The following LPCAT2 variants were observed in gnomAD, a reference collection of about 807,000 sequenced individuals.
The protein encoded by LPCAT2 is 1-AGP acyltransferase 11.
In LPCAT2, 58 loss-of-function variants were observed where a neutral mutation model predicts 64.7. The observed-to-expected ratio is 0.90, with a 90% confidence interval of 0.73 to 1.12. The LOEUF (loss-of-function observed/expected upper bound fraction) is 1.12, where lower values mean the gene tolerates loss of function less well. LPCAT2 is among the 50% of genes most tolerant of loss of function. The pLI is 0.00. For synonymous variants in LPCAT2, 252 were observed against 245.3 expected (o/e 1.03, Z -0.26); for missense variants, 579 against 669.8 (o/e 0.86, Z 1.50).
chr16:55,548,229 CT>C (rs5817017), intron 9 of LPCAT2, among the ~76,000 whole-genome samples: 23 of 150,902 alleles, frequency 1.5e-4, no homozygotes, highest in Non-Finnish European at 2.7e-4. Flanking sequence ...TGTACTGCAC[CT>C]TTTTTTTTGG....
chr16:55,528,762 A>C (rs192827828), intron 3 of LPCAT2, among the ~76,000 whole-genome samples, 168 bp downstream of exon 3: 38 of 152,336 alleles, frequency 2.5e-4, no homozygotes, highest in African/African-American at 8.9e-4. Flanking sequence ...ATATTTATGA[A>C]AAAAGATTAG....
intron 11 of LPCAT2, among the ~76,000 whole-genome samples, chr16:55,563,705 T>C (rs1279626193): frequency 1.3e-5 from 2 of 151,914 alleles, no homozygotes; most frequent in East Asian, 1.9e-4. Flanking sequence ...TGCCCCAACA[T>C]AATAAACACC....
In LPCAT2 at chr16:55,549,279, C is replaced by G. The variant is rs1214113192; in HGVS notation, c.938C>G (p.Ala313Gly). Residue 313 changes from alanine to glycine, a missense_variant and splice_region_variant, in exon 10 of 14, where the codon GCT becomes GGT. Ala to Gly is a moderately conservative substitution (Grantham distance 60). Coordinates refer to ENST00000262134, the MANE Select transcript of LPCAT2 (RefSeq NM_017839.5). Reference sequence around the variant, plus strand: ...AGTTTGCTTCTTAATACTTTTAGAGCTCTGGGAATACCAGTAACAGATCAT... The same window carrying G: ...AGTTTGCTTCTTAATACTTTTAGAGGTCTGGGAATACCAGTAACAGATCAT... ...ANKVRNLMAE[A>G]LGIPVTDHTY... 14 of 1,559,090 alleles carry G rather than the reference C, an allele frequency of 9.0e-6. No individual in the cohort carries two copies. The highest frequency in any genetic ancestry group is 1.2e-5 in the Non-Finnish European group (14 of 1,159,422).
rs769307690 is a variant in LPCAT2 at position 55,509,238 on chromosome 16, C to G, written c.57C>G (p.Val19=). Residue 19 remains valine (V), a synonymous_variant, in exon 1 of 14, where the codon GTC becomes GTG. Coordinates refer to ENST00000262134, the MANE Select transcript of LPCAT2 (RefSeq NM_017839.5). ...CGGCCACAGTGCCAGGTGCCGGCGT[C>G]GGGAACGTGGGGCTGCGGCCGCCCA... ...EVAATVPGAG[V]GNVGLRPPMV... The G allele has an allele frequency of 6.8e-7, 1 of 1,477,470 alleles. No homozygotes were observed. Among genetic ancestry groups the G allele is most frequent in the Non-Finnish European group, 9.0e-7 (1 of 1,107,556 alleles). 91.5% of individuals were successfully genotyped at this position (1,477,470 alleles called of 1,614,324 possible). A position where few individuals can be genotyped will look rare whatever the true frequency, so the allele number is the denominator to read the frequency against.
chr16:55,547,074 G>A (rs1963462030), intron 9 of LPCAT2, among the ~76,000 whole-genome samples: 1 of 152,014 alleles, frequency 6.6e-6, no homozygotes, highest in African/African-American at 2.4e-5. Flanking sequence ...TGGAACCTGG[G>A]AGGCAGAGGT....
chr16:55,578,151 C>A (rs1235088912), intron 12 of LPCAT2, among the ~76,000 whole-genome samples: 1 of 152,188 alleles, frequency 6.6e-6, no homozygotes, highest in African/African-American at 2.4e-5. Flanking sequence ...CTCTTCACTA[C>A]TCATACCTCA....
chr16:55,580,384 T>C (rs1963875445), intron 13 of LPCAT2, among the ~76,000 whole-genome samples: 1 of 152,162 alleles, frequency 6.6e-6, no homozygotes, highest in Non-Finnish European at 1.5e-5. Context: ...CTACTAAATT[T>C]TGAAAAACTA....
chr16:55,515,097 G>A (rs774032512), intron 1 of LPCAT2, among the ~76,000 whole-genome samples: 1 of 152,098 alleles, frequency 6.6e-6, no homozygotes, highest in Admixed American at 6.5e-5. Flanking sequence ...CAACAGTTTC[G>A]TAATGGGAGT....
chr16:55,513,344 TG>T (rs1229916886), intron 1 of LPCAT2, among the ~76,000 whole-genome samples: 1 of 152,098 alleles, frequency 6.6e-6, no homozygotes, highest in Admixed American at 6.5e-5. Flanking sequence ...ATTCACTGGA[TG>T]GGCTCAACAA....
intron 1 of LPCAT2, among the ~76,000 whole-genome samples, chr16:55,521,209 A>G (rs1483556954): frequency 6.6e-6 from 1 of 151,856 alleles, no homozygotes; most frequent in Non-Finnish European, 1.5e-5. Flanking sequence ...ATTATTAACA[A>G]CTTTATGCCA....
At chr16:55,556,621 C>CA (rs548260144) in intron 11 of LPCAT2, among the ~76,000 whole-genome samples, 9 of 151,902 alleles carry the variant, frequency 5.9e-5, no homozygotes, top group African/African-American at 1.7e-4. Context: ...ACTAAAAATA[C>CA]AAAAAAAATT....
At position 55,537,592 on chromosome 16, in the gene LPCAT2, T is replaced by C. The variant is rs768646349; in HGVS notation, c.812T>C (p.Met271Thr). ...WQGYTFIQLC[M>T]LTFCQLFTKV... ...TTTCTCTTCAGCATTCAGCTTTGTA[T>C]GCTTACTTTCTGCCAGCTCTTCACA... The change falls in exon 8 of 14, where the codon ATG (methionine) becomes ACG (threonine). Residue 271 changes from methionine to threonine, a missense_variant. Met to Thr is a moderately conservative substitution (Grantham distance 81, BLOSUM62 -1). Coordinates refer to ENST00000262134, the MANE Select transcript of LPCAT2 (RefSeq NM_017839.5). 6.2e-7 allele frequency: 1 copy of C among 1,613,528 alleles called. No individual in the cohort carries two copies. Among genetic ancestry groups the C allele is most frequent in the South Asian group, 1.1e-5 (1 of 91,060 alleles).
At chr16:55,523,156 A>G (rs879593861) in intron 1 of LPCAT2, among the ~76,000 whole-genome samples, 12 of 151,728 alleles carry the variant, frequency 7.9e-5, no homozygotes, top group Non-Finnish European at 1.8e-4. Context: ...AACAGACACT[A>G]ATATTAGAAG....
At chr16:55,578,219 A>G (rs1963849508) in intron 12 of LPCAT2, among the ~76,000 whole-genome samples, 1 of 152,184 alleles carries the variant, frequency 6.6e-6, no homozygotes, top group African/African-American at 2.4e-5. Context: ...GATAAGCTCA[A>G]ACATAACCAT....
Position 55,531,983 on chromosome 16 carries a change from A to G in LPCAT2, c.703+9A>G, listed in dbSNP as rs1223015791. On this transcript the variant is annotated intron_variant, in intron 5 of 13. Coordinates refer to ENST00000262134, the MANE Select transcript of LPCAT2 (RefSeq NM_017839.5). ...GATTACTTTTAAACCAGGTGAGAAAAATTAAATTATGTATTCTAACAAAGT... is the reference window on the plus strand; with the variant it reads ...GATTACTTTTAAACCAGGTGAGAAAGATTAAATTATGTATTCTAACAAAGT... 1 of 1,519,420 alleles carries G rather than the reference A, an allele frequency of 6.6e-7. No individual in the cohort carries two copies. Among genetic ancestry groups the G allele is most frequent in the South Asian group, 1.1e-5 (1 of 88,508 alleles). The allele number at this position is 1,519,420 out of a possible 1,614,324, so 94.1% of individuals were successfully genotyped here.
intron 7 of LPCAT2, 103 bp from the exon 8 acceptor site, chr16:55,537,475 A>T: frequency 1.2e-6 from 1 of 844,498 alleles, no homozygotes; most frequent in Non-Finnish European, 1.9e-6. Context: ...ATATATGTGA[A>T]GTGTGATGTG....
intron 13 of LPCAT2, among the ~76,000 whole-genome samples, chr16:55,580,392 C>G (rs1329157587): frequency 6.6e-6 from 1 of 152,106 alleles, no homozygotes; most frequent in African/African-American, 2.4e-5. Context: ...TTTTGAAAAA[C>G]TAGTTGGAAT....
chr16:55,511,857 G>A (rs535167446), intron 1 of LPCAT2, among the ~76,000 whole-genome samples: 1 of 151,990 alleles, frequency 6.6e-6, no homozygotes, highest in African/African-American at 2.4e-5. Context: ...CTTTCTTCAG[G>A]GTCTATGCTA....
At position 55,509,141 on chromosome 16, in the gene LPCAT2, C is replaced by T. The variant is rs1228646071; in HGVS notation, c.-41C>T. The T allele has an allele frequency of 6.2e-6, 8 of 1,300,646 alleles. No individual in the cohort carries two copies. In the East Asian group the frequency reaches 1.2e-4, roughly 20 times the overall value. 80.6% of individuals were successfully genotyped at this position (1,300,646 alleles called of 1,614,324 possible). ...TCGGCTCAGTTTTGGCTGCAGCGCC[C>T]GCGTAGATCGCTTCGGCCGGGTTCT... is the stretch of plus-strand genomic sequence containing the variant. On this transcript the variant is annotated 5_prime_UTR_variant, in exon 1 of 14. Coordinates refer to ENST00000262134, the MANE Select transcript of LPCAT2 (RefSeq NM_017839.5).
Sources: gnomAD v4.1 joint callset for allele counts (sites outside exome capture counted in the v4.1 genomes callset) on GRCh38, gnomAD v4.1.1 for gene constraint, MANE v1.5 for transcripts, NCBI Gene and HGNC (gene_info 2026-07-23, HGNC 2026-07-21) for gene names.